The following RAI1 variants were observed in gnomAD, a reference collection of about 807,000 sequenced individuals.
RAI1 encodes the protein retinoic acid induced 1, also known as retinoic acid-induced protein 1.
A neutral mutation model predicts 123.8 loss-of-function variants in RAI1; 9 were observed. That is an observed-to-expected ratio of 0.07 (90% CI 0.04 to 0.13). The LOEUF (loss-of-function observed/expected upper bound fraction) is 0.13. Among genes scored for constraint, RAI1 ranks in the 10% least tolerant of loss-of-function variants. RAI1 has a pLI of 1.00. For synonymous variants in RAI1, 1,231 were observed against 1,127.3 expected, an observed-to-expected ratio of 1.09 and a Z score of -1.84; for missense variants, 2,256 against 2,545.8, an observed-to-expected ratio of 0.89 and a Z score of 2.45.
chr17:17,774,924 T>C (rs1252147950), intron 2 of RAI1, among the ~76,000 whole-genome samples: 1 of 152,176 alleles, frequency 6.6e-6, no homozygotes, highest in Non-Finnish European at 1.5e-5. Context: ...AGCAAGGCAG[T>C]GTCTGGGTGG....
At chr17:17,718,248 CAG>C (rs764852767) in intron 1 of RAI1, among the ~76,000 whole-genome samples, 26 of 152,136 alleles carry the variant, frequency 1.7e-4, no homozygotes, top group Non-Finnish European at 2.9e-4. Context: ...ATCCTGGAAT[CAG>C]GGGAGTTGGG....
At chr17:17,782,473 C>T (rs1360482343) in intron 2 of RAI1, among the ~76,000 whole-genome samples, 5 of 151,766 alleles carry the variant, frequency 3.3e-5, no homozygotes, top group Admixed American at 6.6e-5. Flanking sequence ...CGCGCCCGGG[C>T]CCCCTCTGCA....
chr17:17,796,156 G>C lies in RAI1; in HGVS notation c.3208G>C (p.Gly1070Arg). The C allele has an allele frequency of 6.4e-7, 1 of 1,563,788 alleles. No individual in the cohort carries two copies. Among genetic ancestry groups the C allele is most frequent in the Non-Finnish European group, 8.7e-7 (1 of 1,153,160 alleles). The change falls in exon 3 of 6, where the codon GGA becomes CGA. Residue 1070 changes from glycine to arginine, a missense_variant. Gly to Arg is a moderately radical substitution (Grantham distance 125, BLOSUM62 -2). Coordinates refer to ENST00000353383, the MANE Select transcript of RAI1 (RefSeq NM_030665.4). The surrounding 1 kb of genome is among the most constrained non-coding windows in gnomAD (Gnocchi z 5.8). ...GGCCCTGAGTGAGCCCCGCACGCCC[G>C]GACCCCCAGGCCTGACCACCACCCC... Reference protein sequence around the residue: ...LTALSEPRTPGPPGLTTTPAP... With the variant: ...LTALSEPRTPRPPGLTTTPAP...
At chr17:17,690,465 G>T (rs1914799204) in intron 1 of RAI1, among the ~76,000 whole-genome samples, 1 of 151,824 alleles carries the variant, frequency 6.6e-6, no homozygotes, top group Admixed American at 6.6e-5. Context: ...CTCCTCACCA[G>T]CCGGAGGCAG....
chr17:17,688,112 G>A (rs1914704020), intron 1 of RAI1, among the ~76,000 whole-genome samples: 1 of 150,824 alleles, frequency 6.6e-6, no homozygotes, highest in African/African-American at 2.4e-5. Context: ...CCATAAACAG[G>A]CTTTGGGGTC....
intron 2 of RAI1, among the ~76,000 whole-genome samples, chr17:17,765,073 T>C (rs927420655): frequency 6.6e-6 from 1 of 152,238 alleles, no homozygotes; most frequent in African/African-American, 2.4e-5. Flanking sequence ...CCCAGCACTT[T>C]GGGAGGCTGA....
chr17:17,733,061 G>A (rs1916319417), intron 2 of RAI1, among the ~76,000 whole-genome samples: 1 of 152,218 alleles, frequency 6.6e-6, no homozygotes, highest in Admixed American at 6.5e-5. Context: ...TATCGGCAGA[G>A]CTACCATGGG....
intron 4 of RAI1, among the ~76,000 whole-genome samples, chr17:17,806,262 G>T (rs1023130069): frequency 9.2e-5 from 14 of 152,254 alleles, no homozygotes; most frequent in Admixed American, 2.6e-4. Flanking sequence ...CTGTTTAGTG[G>T]TGGGACTTGT....
At chr17:17,787,922 G>A (rs2031882039) in intron 2 of RAI1, among the ~76,000 whole-genome samples, 1 of 152,154 alleles carries the variant, frequency 6.6e-6, no homozygotes, top group South Asian at 2.1e-4. Context: ...GGGCTGTGAG[G>A]GGAGGCTCCT....
chr17:17,745,561 C>G (rs1450920227), intron 2 of RAI1, among the ~76,000 whole-genome samples: 2 of 151,940 alleles, frequency 1.3e-5, no homozygotes, highest in Admixed American at 6.6e-5. Context: ...CCACGCCTGG[C>G]TATTTTTGTA....
chr17:17,723,709 C>T (rs1487235490), intron 1 of RAI1, among the ~76,000 whole-genome samples: 1 of 149,040 alleles, frequency 6.7e-6, no homozygotes, highest in African/African-American at 2.5e-5. Flanking sequence ...TCCTCCTCCT[C>T]CCTTCCCCCG....
At chr17:17,747,123 T>C (rs921174234) in intron 2 of RAI1, among the ~76,000 whole-genome samples, 1 of 152,060 alleles carries the variant, frequency 6.6e-6, no homozygotes, top group African/African-American at 2.4e-5. Flanking sequence ...CAGCGGGGCC[T>C]CAAGCTGACA....
chr17:17,766,189 T>C (rs1177030670), intron 2 of RAI1: 2 of 152,238 alleles, frequency 1.3e-5, no homozygotes, highest in Admixed American at 1.3e-4. Context: ...AAGAAACATA[T>C]GGCCTAGTTG....
intron 2 of RAI1, among the ~76,000 whole-genome samples, chr17:17,760,758 A>G (rs957608914): frequency 6.6e-6 from 1 of 152,192 alleles, no homozygotes; most frequent in Non-Finnish European, 1.5e-5. Context: ...GCTTAGGGCC[A>G]CACTGCAGAA....
At chr17:17,715,610 C>T (rs533168534) in intron 1 of RAI1, among the ~76,000 whole-genome samples, 11 of 152,312 alleles carry the variant, frequency 7.2e-5, no homozygotes, top group African/African-American at 2.6e-4. Context: ...CCGGCCCCTT[C>T]CATTCACATG....
intron 2 of RAI1, among the ~76,000 whole-genome samples, chr17:17,772,789 G>A (rs954311525): frequency 1.3e-5 from 2 of 152,096 alleles, no homozygotes; most frequent in Non-Finnish European, 2.9e-5. Flanking sequence ...CCTTCTCCAC[G>A]AGGCTCTGAG....
chr17:17,804,106 A>G, intron 4 of RAI1: 1 of 563,592 alleles, frequency 1.8e-6, no homozygotes, highest in Non-Finnish European at 3.3e-6. Context: ...AGCATAAATT[A>G]CAATGTGGAA....
chr17:17,797,102 T>C lies in RAI1; in HGVS notation c.4154T>C (p.Val1385Ala), dbSNP rs2032287262. 1 of 1,613,884 alleles carries C rather than the reference T, an allele frequency of 6.2e-7. No homozygotes were observed. Among genetic ancestry groups the C allele is most frequent in the African/African-American group, 1.3e-5 (1 of 74,920 alleles). The change falls in exon 3 of 6, where the codon GTG becomes GCG. Residue 1385 changes from valine to alanine, a missense_variant. Val to Ala is a moderately conservative substitution (Grantham distance 64, BLOSUM62 0). Transcript: ENST00000353383. ...GGGGTGGAAGAAGGCCTGGTAAATGTGGGCACCGGGCAGAAGCTCCCAACT... is the reference window on the plus strand; with the variant it reads ...GGGGTGGAAGAAGGCCTGGTAAATGCGGGCACCGGGCAGAAGCTCCCAACT... ...PVGVEEGLVN[V>A]GTGQKLPTSG...
At chr17:17,700,713 T>G (rs1221553858) in intron 1 of RAI1, among the ~76,000 whole-genome samples, 1 of 152,052 alleles carries the variant, frequency 6.6e-6, no homozygotes, top group Admixed American at 6.5e-5. Flanking sequence ...CCGGCCCCTC[T>G]CGTCCTCGGG....
Sources: allele counts gnomAD v4.1 joint callset (sites outside exome capture counted in the v4.1 genomes callset), GRCh38; gene constraint gnomAD v4.1.1; non-coding constraint Gnocchi (gnomAD v3.1); transcripts MANE v1.5; gene names NCBI Gene and HGNC (gene_info 2026-07-23, HGNC 2026-07-21).